Variants in MAP2K6 observed in about 807,000 individuals in gnomAD.
MAP2K6 encodes the protein mitogen-activated protein kinase kinase 6.
A neutral mutation model predicts 53.7 loss-of-function variants in MAP2K6; 16 were observed. The ratio of observed to expected loss-of-function variants is 0.30; its 90% CI spans 0.20 to 0.45. The LOEUF is 0.45. MAP2K6 is among the 20% of genes least tolerant of loss of function. MAP2K6 has a pLI of 1.00. For missense variants in MAP2K6, 204 were observed against 411.9 expected, an observed-to-expected ratio of 0.50 and a Z score of 4.37; for synonymous variants, 132 against 143.1, an observed-to-expected ratio of 0.92 and a Z score of 0.55.
intron 10 of MAP2K6, among the ~76,000 whole-genome samples, chr17:69,529,972 T>C (rs1485551848): frequency 6.6e-6 from 1 of 152,178 alleles, no homozygotes; most frequent in Non-Finnish European, 1.5e-5. Context: ...CATTTTCTTT[T>C]AATTTTAATC....
intron 1 of MAP2K6, among the ~76,000 whole-genome samples, chr17:69,483,516 G>C (rs187180674): frequency 6.6e-6 from 1 of 152,012 alleles, no homozygotes; most frequent in African/African-American, 2.4e-5. Flanking sequence ...TGTTAAGATG[G>C]CAGTAGTTTC....
In MAP2K6 at chr17:69,552,068, G is replaced by T. The variant is rs1912121937; in HGVS notation, c.*10315G>T. The T allele has an allele frequency of 6.6e-6, 1 of 152,104 alleles. No homozygotes were observed. Among genetic ancestry groups the T allele is most frequent in the Non-Finnish European group, 1.5e-5 (1 of 68,022 alleles). 9.4% of individuals were successfully genotyped at this position (152,104 alleles called of 1,614,324 possible). On this transcript the variant is annotated 3_prime_UTR_variant, in exon 12 of 12. Transcript: ENST00000590474. Reference sequence around the variant, plus strand: ...ACTTTGTAAGGAAACACAACAACACGTTTTCTTACCTTCTGTAAATTTTGT... The same window carrying T: ...ACTTTGTAAGGAAACACAACAACACTTTTTCTTACCTTCTGTAAATTTTGT...
chr17:69,540,579 G>T (rs1172420944), intron 11 of MAP2K6, among the ~76,000 whole-genome samples: 1 of 152,198 alleles, frequency 6.6e-6, no homozygotes, highest in Non-Finnish European at 1.5e-5. Context: ...AGAGAAAATG[G>T]CTTCCTGCTC....
intron 1 of MAP2K6, among the ~76,000 whole-genome samples, chr17:69,463,897 T>A (rs917567020): frequency 1.4e-4 from 21 of 150,690 alleles, no homozygotes; most frequent in Non-Finnish European, 3.0e-4. Flanking sequence ...CGTGTGCCTG[T>A]AATCCCAGCT....
intron 1 of MAP2K6, among the ~76,000 whole-genome samples, chr17:69,448,513 C>T (rs759494924): frequency 3.9e-5 from 6 of 152,106 alleles, no homozygotes; most frequent in African/African-American, 7.2e-5. Context: ...TGCTTGCTGC[C>T]GAGTCTGCCC....
intron 2 of MAP2K6, among the ~76,000 whole-genome samples, chr17:69,507,019 G>A (rs1376212810): frequency 6.6e-6 from 1 of 150,422 alleles, no homozygotes; most frequent in Non-Finnish European, 1.5e-5. Flanking sequence ...TGTGAACTGT[G>A]TAATTACTAT....
intron 1 of MAP2K6, among the ~76,000 whole-genome samples, chr17:69,423,088 T>G (rs1906147039): frequency 6.6e-6 from 1 of 152,196 alleles, no homozygotes; most frequent in South Asian, 2.1e-4. Context: ...TTTCACCATG[T>G]TGGCCAGGAT....
chr17:69,518,134 G>A (rs1910268495), intron 4 of MAP2K6, among the ~76,000 whole-genome samples: 1 of 152,176 alleles, frequency 6.6e-6, no homozygotes, highest in African/African-American at 2.4e-5. Flanking sequence ...AGGTTGTGGT[G>A]AGCCGAGATC....
At chr17:69,507,026 C>A (rs1309429712) in intron 2 of MAP2K6, among the ~76,000 whole-genome samples, 7 of 151,150 alleles carry the variant, frequency 4.6e-5, no homozygotes, top group Non-Finnish European at 8.8e-5. Flanking sequence ...TGTGTAATTA[C>A]TATTGTTTCC....
chr17:69,510,036 G>A (rs1399289501), intron 2 of MAP2K6, among the ~76,000 whole-genome samples: 2 of 152,016 alleles, frequency 1.3e-5, no homozygotes, highest in Admixed American at 6.6e-5. Context: ...GTAGAGACGG[G>A]GTTTTGCCAT....
chr17:69,478,250 G>C (rs191107429), intron 1 of MAP2K6, among the ~76,000 whole-genome samples: 1 of 152,292 alleles, frequency 6.6e-6, no homozygotes, highest in African/African-American at 2.4e-5. Context: ...AACCAAAGAG[G>C]CCAGTTTGCT....
intron 1 of MAP2K6, among the ~76,000 whole-genome samples, chr17:69,446,820 A>G (rs1379647335): frequency 6.6e-6 from 1 of 151,216 alleles, no homozygotes; most frequent in Non-Finnish European, 1.5e-5. Context: ...TTATTGCAGA[A>G]TGGGTACTGG....
At chr17:69,444,152 T>A (rs572777416) in intron 1 of MAP2K6, among the ~76,000 whole-genome samples, 1 of 152,328 alleles carries the variant, frequency 6.6e-6, no homozygotes, top group South Asian at 2.1e-4. Flanking sequence ...CCTAGGTTTG[T>A]CTTTCTGTAC....
chr17:69,518,564 A>G (rs1910294977), intron 4 of MAP2K6, among the ~76,000 whole-genome samples: 1 of 152,244 alleles, frequency 6.6e-6, no homozygotes, highest in Non-Finnish European at 1.5e-5. Context: ...AGGATCATAA[A>G]GAATTAACAT....
At chr17:69,540,945 A>G (rs1281170258) in intron 11 of MAP2K6, among the ~76,000 whole-genome samples, 1 of 152,278 alleles carries the variant, frequency 6.6e-6, no homozygotes, top group East Asian at 1.9e-4. Context: ...TTCTCATTCC[A>G]TCATCTTTTT....
intron 9 of MAP2K6, among the ~76,000 whole-genome samples, chr17:69,525,546 C>A (rs990110022): frequency 3.9e-5 from 6 of 152,206 alleles, no homozygotes; most frequent in Admixed American, 2.0e-4. Flanking sequence ...CAGTTCCATG[C>A]AGCTGGGGAG....
intron 1 of MAP2K6, among the ~76,000 whole-genome samples, chr17:69,484,990 A>G (rs1318930505): frequency 6.6e-6 from 1 of 152,130 alleles, no homozygotes; most frequent in Non-Finnish European, 1.5e-5. Context: ...GGGTGATAAA[A>G]ATGTTCTAAA....
intron 1 of MAP2K6, among the ~76,000 whole-genome samples, chr17:69,443,487 A>G (rs1906882119): frequency 6.6e-6 from 1 of 152,208 alleles, no homozygotes; most frequent in Admixed American, 6.5e-5. Context: ...TTGTTATATT[A>G]TTGACCATTC....
intron 9 of MAP2K6, 27 bp downstream of exon 9, chr17:69,525,005 A>G: frequency 2.5e-6 from 4 of 1,585,218 alleles, no homozygotes; most frequent in East Asian, 2.2e-5. Flanking sequence ...ATCATGAACT[A>G]TGAGGTTGTG....
Sources: allele counts gnomAD v4.1 joint callset (sites outside exome capture counted in the v4.1 genomes callset), GRCh38; gene constraint gnomAD v4.1.1; transcripts MANE v1.5; gene names NCBI Gene and HGNC (gene_info 2026-07-23, HGNC 2026-07-21).